Variants in GNAO1 observed in about 807,000 individuals in gnomAD.
GNAO1 encodes the protein G protein subunit alpha o1.
For synonymous variants in GNAO1, 164 were observed against 180.7 expected, an observed-to-expected ratio of 0.91 and a Z score of 0.74; for missense variants, 166 against 478.7, an observed-to-expected ratio of 0.35 and a Z score of 6.10.
At chr16:56,334,956 C>T (rs1437361672) in intron 5 of GNAO1, 99 bp downstream of exon 5, 16 of 1,305,584 alleles carry the variant, frequency 1.2e-5, no homozygotes, top group Non-Finnish European at 1.7e-5. Flanking sequence ...CATCATCCTG[C>T]CCCAGGGAAC....
intron 6 of GNAO1, among the ~76,000 whole-genome samples, chr16:56,348,734 G>GGGGGCTGGCATGGGTCTC (rs1555508169): frequency 6.6e-6 from 1 of 152,038 alleles, no homozygotes; most frequent in African/African-American, 2.4e-5. Context: ...GTCAGGCCTG[G>GGGGGCTGGCATGGGTCTC]GGGGCTGGCA....
At chr16:56,335,221 C>A (rs1596871816) in intron 5 of GNAO1, among the ~76,000 whole-genome samples, 1 of 152,154 alleles carries the variant, frequency 6.6e-6, no homozygotes, top group African/African-American at 2.4e-5. Context: ...CTGGGTAAGC[C>A]CAAGCTACCT....
At chr16:56,229,817 G>C (rs1277326092) in intron 2 of GNAO1, among the ~76,000 whole-genome samples, 2 of 152,000 alleles carry the variant, frequency 1.3e-5, no homozygotes, top group Non-Finnish European at 2.9e-5. Flanking sequence ...CAGAATGCAG[G>C]TACCCAGTGA....
intron 3 of GNAO1, among the ~76,000 whole-genome samples, chr16:56,298,957 A>G (rs976110254): frequency 1.3e-5 from 2 of 152,066 alleles, no homozygotes; most frequent in African/African-American, 4.8e-5. Flanking sequence ...ACATATGAAT[A>G]TAAGGACGGG....
At position 56,354,282 on chromosome 16, in the gene GNAO1, A is replaced by C. The variant is rs1472481961; in HGVS notation, c.878-584A>C. Among the ~76,000 whole-genome samples the C allele has an allele frequency of 1.3e-5, 2 of 152,250 alleles. No individual in the cohort carries two copies. Among genetic ancestry groups the C allele is most frequent in the Non-Finnish European group, 2.9e-5 (2 of 68,040 alleles). On this transcript the variant is annotated intron_variant, in intron 7 of 8. Transcript: ENST00000262493. This position sits in a 1 kb window ranked among gnomAD's most constrained non-coding sequence, Gnocchi z 4.3. ...GGGGCTTCCGGGTGGATCTGGTGTG[A>C]AAACAGTAAGAGATCTTGCAAAGTC...
intron 5 of GNAO1, 98 bp from the exon 6 acceptor site, chr16:56,336,633 G>A (rs1374758845): frequency 2.7e-6 from 3 of 1,116,548 alleles, no homozygotes; most frequent in East Asian, 2.6e-5. Flanking sequence ...TGAGCACCAT[G>A]GCCCCCATCC....
At chr16:56,197,334 A>G (rs1308579455) in intron 2 of GNAO1, among the ~76,000 whole-genome samples, 2 of 152,178 alleles carry the variant, frequency 1.3e-5, no homozygotes, top group African/African-American at 2.4e-5. Context: ...CTCTATGTTT[A>G]TTCAAATGGA....
At chr16:56,349,994 G>A (rs541352630) in intron 6 of GNAO1, among the ~76,000 whole-genome samples, 20 of 152,300 alleles carry the variant, frequency 1.3e-4, no homozygotes, top group African/African-American at 4.1e-4. Context: ...GTGTCACCGC[G>A]GTGTCCCCTC....
In GNAO1 at chr16:56,328,955, G is replaced by A. The variant is rs529568458; in HGVS notation, c.464+164G>A. ...GGGTGTCAGGAAGGAATGAGAAGGG[G>A]CCTCTCTTCCTGCACCCCAGGAGGA... is the stretch of plus-strand genomic sequence containing the variant. On this transcript the variant is annotated intron_variant, in intron 4 of 8. Coordinates refer to ENST00000262493, the MANE Select transcript of GNAO1 (RefSeq NM_020988.3). The A allele has an allele frequency of 4.2e-5, 28 of 664,202 alleles. 1 individual carries two copies. The highest frequency in any genetic ancestry group is 6.3e-5 in the Non-Finnish European group (25 of 394,678). The allele number at this position is 664,202 out of a possible 1,614,324, so 41.1% of individuals were successfully genotyped here.
chr16:56,336,966 G>A (rs1223320773), intron 6 of GNAO1, 106 bp downstream of exon 6: 4 of 1,094,356 alleles, frequency 3.7e-6, no homozygotes, highest in Non-Finnish European at 5.2e-6. Flanking sequence ...TGGCTCTGGG[G>A]TCCAGCCAGC....
At chr16:56,342,329 T>C (rs1264653721) in intron 6 of GNAO1, among the ~76,000 whole-genome samples, 2 of 152,174 alleles carry the variant, frequency 1.3e-5, no homozygotes, top group African/African-American at 4.8e-5. Flanking sequence ...TGGCAGGCCC[T>C]CCAGGCTTTC....
At chr16:56,257,377 A>G (rs1477483053) in intron 2 of GNAO1, among the ~76,000 whole-genome samples, 1 of 152,202 alleles carries the variant, frequency 6.6e-6, no homozygotes, top group African/African-American at 2.4e-5. Flanking sequence ...TGCATCGGCT[A>G]GCTCAGGAGG....
chr16:56,354,932 C>G lies in GNAO1; in HGVS notation c.944C>G (p.Pro315Arg). 6.2e-7 allele frequency: 1 copy of G among 1,613,208 alleles called. No individual in the cohort carries two copies. Among genetic ancestry groups the G allele is most frequent in the Non-Finnish European group, 8.5e-7 (1 of 1,179,270 alleles). The change falls in exon 8 of 9, where the codon CCC becomes CGC. Residue 315 changes from proline (P) to arginine (R), a missense_variant. Pro to Arg is a moderately radical substitution (Grantham distance 103). Transcript: ENST00000262493. The surrounding 1 kb of genome is among the most constrained non-coding windows in gnomAD (Gnocchi z 4.3). ...QAQFESKNRS[P>R]NKEIYCHMTC... is the part of the protein sequence containing the mutation. ...CAATTTGAAAGCAAAAACCGCTCAC[C>G]CAACAAAGAAATATATTGTCACATG...
intron 3 of GNAO1, among the ~76,000 whole-genome samples, chr16:56,293,830 A>T (rs2037256633): frequency 6.6e-6 from 1 of 152,144 alleles, no homozygotes; most frequent in South Asian, 2.1e-4. Context: ...CAGCCGCCTC[A>T]CCGGACTTGC....
At chr16:56,306,784 C>G (rs1313001909) in intron 3 of GNAO1, 1 of 152,158 alleles carries the variant, frequency 6.6e-6, no homozygotes, top group Non-Finnish European at 1.5e-5. Flanking sequence ...AATTTTGGTT[C>G]TGAGCAAAGA....
chr16:56,239,025 C>G (rs1297034774), intron 2 of GNAO1, among the ~76,000 whole-genome samples: 1 of 152,240 alleles, frequency 6.6e-6, no homozygotes, highest in Non-Finnish European at 1.5e-5. Context: ...GCAGACATCT[C>G]TGTAAATCTC....
chr16:56,324,031 C>T (rs996171474), intron 3 of GNAO1, among the ~76,000 whole-genome samples: 1 of 152,056 alleles, frequency 6.6e-6, no homozygotes, highest in Non-Finnish European at 1.5e-5. Context: ...GGCGGGGGGC[C>T]AGGGGGTGTT....
intron 3 of GNAO1, among the ~76,000 whole-genome samples, chr16:56,305,714 C>T (rs555592934): frequency 3.9e-5 from 6 of 152,208 alleles, no homozygotes; most frequent in South Asian, 2.1e-4. Flanking sequence ...TTCCCAGGGC[C>T]GTCATAACAA....
At chr16:56,284,352 G>A (rs1418852339) in intron 3 of GNAO1, among the ~76,000 whole-genome samples, 4 of 152,160 alleles carry the variant, frequency 2.6e-5, no homozygotes, top group African/African-American at 9.7e-5. Flanking sequence ...CGGGCCGCAA[G>A]CTCCTGGTTT....
Sources: allele counts gnomAD v4.1 joint callset (sites outside exome capture counted in the v4.1 genomes callset), GRCh38; gene constraint gnomAD v4.1.1; non-coding constraint Gnocchi (gnomAD v3.1); transcripts MANE v1.5; gene names NCBI Gene and HGNC (gene_info 2026-07-23, HGNC 2026-07-21).